HOMER1: variants seen among roughly 807,000 people sequenced by gnomAD.
The protein encoded by HOMER1 is homer scaffold protein 1.
In HOMER1, 3 loss-of-function variants were observed where a neutral mutation model predicts 48.9. The observed-to-expected ratio is 0.06, with a 90% CI of 0.03 to 0.16. The LOEUF (loss-of-function observed/expected upper bound fraction) is 0.16. Ranked by LOEUF, HOMER1 falls within the 10% of genes least tolerant of loss-of-function variation. HOMER1 has a pLI of 1.00. For synonymous variants in HOMER1, 134 were observed against 146.4 expected, an observed-to-expected ratio of 0.92 and a Z score of 0.61; for missense variants, 247 against 411.4, an observed-to-expected ratio of 0.60 and a Z score of 3.46.
chr5:79,494,100 A>T (rs1359298321), intron 1 of HOMER1, among the ~76,000 whole-genome samples: 2 of 152,084 alleles, frequency 1.3e-5, no homozygotes, highest in Non-Finnish European at 2.9e-5. Flanking sequence ...TTGTGACACT[A>T]TTCTCACCTG....
intron 1 of HOMER1, among the ~76,000 whole-genome samples, chr5:79,470,328 G>A (rs1322941229): frequency 6.6e-6 from 1 of 152,152 alleles, no homozygotes; most frequent in African/African-American, 2.4e-5. Flanking sequence ...CATATATCTT[G>A]TTCCAAGAAA....
At chr5:79,502,450 TAGAG>T (rs1463985428) in intron 1 of HOMER1, among the ~76,000 whole-genome samples, 2 of 152,288 alleles carry the variant, frequency 1.3e-5, no homozygotes, top group African/African-American at 4.8e-5. Context: ...ATGTTCATTA[TAGAG>T]AAACTACAAG....
intron 8 of HOMER1, among the ~76,000 whole-genome samples, chr5:79,389,803 A>G (rs1335042925): frequency 1.2e-4 from 19 of 152,228 alleles, no homozygotes. Context: ...GACAGGAAAC[A>G]TTTAATATAT....
chr5:79,492,474 G>A lies in HOMER1; in HGVS notation c.5+20296C>T, dbSNP rs148352994. On this transcript the variant is annotated intron_variant, in intron 1 of 8. Coordinates refer to ENST00000334082, the MANE Select transcript of HOMER1 (RefSeq NM_004272.5). ...TGCTTATACCAATCAATTAACTTCT[G>A]TGACTTTCCTAACTATGAAAGAAGG... Among the ~76,000 whole-genome samples the A allele has an allele frequency of 7.3e-5, 11 of 151,562 alleles. No homozygotes were observed. In the East Asian group the frequency reaches 1.7e-3, roughly 24 times the overall value.
chr5:79,484,202 G>C (rs924746145), intron 1 of HOMER1, among the ~76,000 whole-genome samples: 2 of 151,940 alleles, frequency 1.3e-5, no homozygotes, highest in African/African-American at 2.4e-5. Context: ...AGTTAAAGAT[G>C]TATACTATAA....
At chr5:79,377,820 T>G (rs1357133706) in intron 8 of HOMER1, among the ~76,000 whole-genome samples, 4 of 152,150 alleles carry the variant, frequency 2.6e-5, no homozygotes, top group African/African-American at 9.7e-5. Context: ...AAAAAATAGT[T>G]CTGGTGTTGA....
At chr5:79,488,276 G>GA (rs1463797201) in intron 1 of HOMER1, among the ~76,000 whole-genome samples, 1 of 152,214 alleles carries the variant, frequency 6.6e-6, no homozygotes. Context: ...GCACTCTCTA[G>GA]AAGAGAAGGG....
intron 1 of HOMER1, among the ~76,000 whole-genome samples, chr5:79,489,675 A>T (rs1461278259): frequency 6.6e-6 from 1 of 152,214 alleles, no homozygotes; most frequent in East Asian, 1.9e-4. Context: ...CAGAATCTCT[A>T]AGGTTCTTTC....
chr5:79,397,861 A>G (rs1360577564), intron 6 of HOMER1: 6 of 320,332 alleles, frequency 1.9e-5, no homozygotes, highest in Middle Eastern at 8.7e-4. Flanking sequence ...TAGAAAGGTT[A>G]GGATAACTTA....
intron 1 of HOMER1, among the ~76,000 whole-genome samples, chr5:79,502,672 A>G (rs187098555): frequency 1.3e-5 from 2 of 152,324 alleles, no homozygotes; most frequent in South Asian, 2.1e-4. Context: ...CTTCTACCAC[A>G]TGAATAGCCT....
intron 8 of HOMER1, among the ~76,000 whole-genome samples, chr5:79,385,285 T>C (rs560413857): frequency 6.6e-6 from 1 of 152,238 alleles, no homozygotes; most frequent in African/African-American, 2.4e-5. Context: ...AAAAAGCTTC[T>C]GCACAGCAAA....
chr5:79,461,540 T>C (rs1751318316), intron 1 of HOMER1, among the ~76,000 whole-genome samples: 1 of 152,202 alleles, frequency 6.6e-6, no homozygotes, highest in Non-Finnish European at 1.5e-5. Context: ...CATTAGCATG[T>C]TAAAGGTTCT....
chr5:79,413,934 A>C (rs1749873980), intron 5 of HOMER1, among the ~76,000 whole-genome samples: 1 of 152,306 alleles, frequency 6.6e-6, no homozygotes, highest in African/African-American at 2.4e-5. Flanking sequence ...TAGCGATTTC[A>C]GGTCCTGCTA....
At chr5:79,473,139 A>G (rs868036847) in intron 1 of HOMER1, among the ~76,000 whole-genome samples, 2 of 152,366 alleles carry the variant, frequency 1.3e-5, no homozygotes, top group South Asian at 2.1e-4. Context: ...ATAAAAGACG[A>G]TGGTTTAACT....
intron 7 of HOMER1, among the ~76,000 whole-genome samples, chr5:79,397,266 C>A (rs934027312): frequency 4.6e-5 from 7 of 152,154 alleles, no homozygotes; most frequent in Admixed American, 4.6e-4. Flanking sequence ...TAATGATTTT[C>A]TGTTGACTGT....
intron 1 of HOMER1, among the ~76,000 whole-genome samples, chr5:79,479,429 A>C (rs1751883504): frequency 6.6e-6 from 1 of 152,190 alleles, no homozygotes; most frequent in African/African-American, 2.4e-5. Context: ...CACAAGAGGG[A>C]TGCAGAGGGA....
At chr5:79,457,201 T>C (rs192697032) in intron 1 of HOMER1, among the ~76,000 whole-genome samples, 183 bp from the exon 2 acceptor site, 41 of 152,346 alleles carry the variant, frequency 2.7e-4, no homozygotes, top group Admixed American at 1.4e-3. Context: ...AAAACAATTA[T>C]AGTCAATCCT....
At position 79,510,484 on chromosome 5, in the gene HOMER1, C is replaced by T. The variant is rs557266450; in HGVS notation, c.5+2286G>A. Reference sequence around the variant, plus strand: ...CACACAACCAGTCCCAAAAATGGCACAGAAATGGTATCAAGAAACCCGAAG... The same window carrying T: ...CACACAACCAGTCCCAAAAATGGCATAGAAATGGTATCAAGAAACCCGAAG... On this transcript the variant is annotated intron_variant, in intron 1 of 8. Transcript: ENST00000334082. 146 of 700,612 alleles carry T rather than the reference C, an allele frequency of 2.1e-4. No individual in the cohort carries two copies. In the African/African-American group the frequency reaches 2.3e-3, roughly 11 times the overall value. The allele number at this position is 700,612 out of a possible 1,614,324, so 43.4% of individuals were successfully genotyped here. A position where few individuals can be genotyped will look rare whatever the true frequency, so the allele number is the denominator to read the frequency against.
intron 1 of HOMER1, chr5:79,510,535 G>T: frequency 1.3e-6 from 1 of 741,070 alleles, no homozygotes. Context: ...CTCTTAAGGG[G>T]GTGGACCCCA....
Sources: gnomAD v4.1 joint callset for allele counts (sites outside exome capture counted in the v4.1 genomes callset) on GRCh38, gnomAD v4.1.1 for gene constraint, MANE v1.5 for transcripts, NCBI Gene and HGNC (gene_info 2026-07-23, HGNC 2026-07-21) for gene names.